The following CHRM5 variants were observed in gnomAD, a reference collection of about 807,000 sequenced individuals.
CHRM5 encodes muscarinic acetylcholine receptor M5.
A neutral mutation model predicts 39.0 loss-of-function variants in CHRM5; 18 were observed. That is an observed-to-expected ratio of 0.46 (90% CI 0.32 to 0.68). CHRM5 has a LOEUF of 0.68. Ranked by LOEUF, CHRM5 falls within the 30% of genes least tolerant of loss-of-function variation. The pLI is 0.04. For missense variants in CHRM5, 515 were observed against 651.1 expected, an observed-to-expected ratio of 0.79 and a Z score of 2.28; for synonymous variants, 241 against 246.3, an observed-to-expected ratio of 0.98 and a Z score of 0.20.
intron 1 of CHRM5, among the ~76,000 whole-genome samples, chr15:34,036,881 G>T (rs1470958523): frequency 3.3e-5 from 5 of 152,018 alleles, no homozygotes; most frequent in Non-Finnish European, 5.9e-5. Context: ...AGGCCGAGGC[G>T]GGTGGATCAC....
chr15:34,021,747 G>A (rs1403588355), intron 1 of CHRM5, among the ~76,000 whole-genome samples: 1 of 151,928 alleles, frequency 6.6e-6, no homozygotes, highest in African/African-American at 2.4e-5. Context: ...CCCAGCTACT[G>A]GGGAGGCTGA....
chr15:34,004,162 TAATTC>T (rs1422815298), intron 1 of CHRM5, among the ~76,000 whole-genome samples: 2 of 152,228 alleles, frequency 1.3e-5, no homozygotes, highest in African/African-American at 4.8e-5. Flanking sequence ...CACAAAATCT[TAATTC>T]AATAGAAAAG....
chr15:34,017,955 C>G (rs116804774), intron 1 of CHRM5, among the ~76,000 whole-genome samples: 2,493 of 152,264 alleles, frequency 0.016, 79 homozygotes, highest in African/African-American at 0.053. Context: ...TGTGGCGATA[C>G]TGATGTAAAC....
chr15:34,045,397 T>G (rs1010161482), intron 1 of CHRM5, among the ~76,000 whole-genome samples: 1 of 152,226 alleles, frequency 6.6e-6, no homozygotes, highest in Non-Finnish European at 1.5e-5. Context: ...TATATCTTAC[T>G]TTAAAATATT....
chr15:34,049,641 C>G (rs1023765649), intron 2 of CHRM5, among the ~76,000 whole-genome samples: 4 of 152,082 alleles, frequency 2.6e-5, no homozygotes, highest in Non-Finnish European at 5.9e-5. Flanking sequence ...TTTCCCCAAC[C>G]TAGCAAGTCA....
intron 1 of CHRM5, among the ~76,000 whole-genome samples, chr15:33,988,755 A>G (rs904981585): frequency 3.9e-5 from 6 of 152,372 alleles, no homozygotes; most frequent in Admixed American, 3.9e-4. Flanking sequence ...TACAGGGTTG[A>G]AAAAACTCCT....
intron 1 of CHRM5, among the ~76,000 whole-genome samples, chr15:33,986,562 A>T (rs987779442): frequency 6.6e-6 from 1 of 152,178 alleles, no homozygotes; most frequent in South Asian, 2.1e-4. Context: ...ATGATTTTTT[A>T]AAAACCAGCA....
Position 34,055,780 on chromosome 15 carries a change from G to A in CHRM5, c.-75-6863G>A, listed in dbSNP as rs549399615. Among the ~76,000 whole-genome samples the A allele has an allele frequency of 3.5e-4, 54 of 152,170 alleles. No homozygotes were observed. The South Asian group carries it at 0.01, about 29-fold the overall frequency. On this transcript the variant is annotated intron_variant, in intron 2 of 2. Coordinates refer to ENST00000383263, the MANE Select transcript of CHRM5 (RefSeq NM_012125.4). ...CACACCACTGCACTCCAGCCTGGGCGACGGAGCAAGACTCTGTCACAAAAA... is the reference window on the plus strand; with the variant it reads ...CACACCACTGCACTCCAGCCTGGGCAACGGAGCAAGACTCTGTCACAAAAA...
At chr15:34,042,723 A>G (rs916288772) in intron 1 of CHRM5, among the ~76,000 whole-genome samples, 1 of 152,108 alleles carries the variant, frequency 6.6e-6, no homozygotes, top group Admixed American at 6.6e-5. Flanking sequence ...TTTTTTAAAT[A>G]AAATGGTAGC....
intron 2 of CHRM5, among the ~76,000 whole-genome samples, chr15:34,051,085 A>G (rs1303794072): frequency 6.6e-6 from 1 of 152,212 alleles, no homozygotes; most frequent in Non-Finnish European, 1.5e-5. Flanking sequence ...TCTAAAACTG[A>G]TTACATAATC....
chr15:33,984,216 G>C (rs1158867341), intron 1 of CHRM5, among the ~76,000 whole-genome samples: 1 of 151,892 alleles, frequency 6.6e-6, no homozygotes, highest in Non-Finnish European at 1.5e-5. Context: ...AGGGAAGCTG[G>C]GTAGAAAGTA....
chr15:33,989,400 A>G (rs1896620280), intron 1 of CHRM5, among the ~76,000 whole-genome samples: 1 of 151,860 alleles, frequency 6.6e-6, no homozygotes. Flanking sequence ...AACTACCCCT[A>G]GATTAAAGCA....
In CHRM5 at chr15:34,055,954, G is replaced by T. The variant is rs1318294869; in HGVS notation, c.-75-6689G>T. 2.0e-5 allele frequency among the ~76,000 whole-genome samples: 3 copies of T among 152,090 alleles called. No homozygotes were observed. The East Asian group carries it at 5.8e-4, about 29-fold the overall frequency. On this transcript the variant is annotated intron_variant, in intron 2 of 2. Coordinates refer to ENST00000383263, the MANE Select transcript of CHRM5 (RefSeq NM_012125.4). Reference sequence around the variant, plus strand: ...GATTACAAAATCCTGGTGACCTCAGGTGATCTGCCTACCTCAGCCTCCCAA... The same window carrying T: ...GATTACAAAATCCTGGTGACCTCAGTTGATCTGCCTACCTCAGCCTCCCAA...
At chr15:34,059,832 A>G (rs1356676593) in intron 2 of CHRM5, among the ~76,000 whole-genome samples, 2 of 152,208 alleles carry the variant, frequency 1.3e-5, no homozygotes, top group African/African-American at 2.4e-5. Flanking sequence ...AGGTGCCCCT[A>G]TGGCATGTTG....
chr15:34,038,900 T>C (rs1215448226), intron 1 of CHRM5: 4 of 1,121,412 alleles, frequency 3.6e-6, no homozygotes, highest in Non-Finnish European at 4.3e-6. Context: ...GGCCCCGGCG[T>C]CCGCCTCCGT....
At chr15:34,043,954 C>T (rs797003716) in intron 1 of CHRM5, among the ~76,000 whole-genome samples, 1 of 152,264 alleles carries the variant, frequency 6.6e-6, no homozygotes, top group East Asian at 1.9e-4. Context: ...TATTACTGCA[C>T]TAGATCTTAT....
intron 1 of CHRM5, chr15:34,003,243 A>C (rs1211195459): frequency 6.2e-7 from 1 of 1,606,730 alleles, no homozygotes; most frequent in Non-Finnish European, 8.5e-7. Flanking sequence ...ATAAGTAAGC[A>C]GTGGAAATCC....
At position 34,063,498 on chromosome 15, in the gene CHRM5, C is replaced by A. The variant is rs1159468531; in HGVS notation, c.781C>A (p.Leu261Met). 6.2e-7 allele frequency: 1 copy of A among 1,613,880 alleles called. No homozygotes were observed. The highest frequency in any genetic ancestry group is 8.5e-7 in the Non-Finnish European group (1 of 1,180,036). Reference sequence around the variant, plus strand: ...CTGCTTGCGCTGTCCTCGACCCACCCTGGCCCAGCGGGAAAGGAACCAGGC... The same window carrying A: ...CTGCTTGCGCTGTCCTCGACCCACCATGGCCCAGCGGGAAAGGAACCAGGC... ...RSCLRCPRPT[L>M]AQRERNQASW... Residue 261 changes from leucine to methionine, a missense_variant, in exon 3 of 3, where the codon CTG becomes ATG. Transcript: ENST00000383263. This position sits in a 1 kb window ranked among gnomAD's most constrained non-coding sequence, Gnocchi z 4.1.
At chr15:34,041,403 T>G (rs1899472180) in intron 1 of CHRM5, among the ~76,000 whole-genome samples, 1 of 152,166 alleles carries the variant, frequency 6.6e-6, no homozygotes, top group Admixed American at 6.5e-5. Flanking sequence ...TTTGGGCAAA[T>G]GTCTGGTATG....
Sources: allele counts gnomAD v4.1 joint callset (sites outside exome capture counted in the v4.1 genomes callset), GRCh38; gene constraint gnomAD v4.1.1; non-coding constraint Gnocchi (gnomAD v3.1); transcripts MANE v1.5; gene names NCBI Gene and HGNC (gene_info 2026-07-23, HGNC 2026-07-21).